ABCD3: variants seen among roughly 807,000 people sequenced by gnomAD.
ABCD3 encodes the protein ATP-binding cassette sub-family D member 3.
A neutral mutation model predicts 105.5 loss-of-function variants in ABCD3; 41 were observed. The observed-to-expected ratio is 0.39, with a 90% CI of 0.30 to 0.50. ABCD3 has a LOEUF of 0.50. ABCD3 is among the 20% of genes least tolerant of loss of function. The pLI, the probability that ABCD3 is intolerant of heterozygous loss-of-function variation, is 0.84. For missense variants in ABCD3, 622 were observed against 806.3 expected (o/e 0.77, Z 2.77); for synonymous variants, 258 against 269.0 (o/e 0.96, Z 0.40).
chr1:94,402,137 T>TA, the ABCD3 span, among the ~76,000 whole-genome samples: 2 of 152,266 alleles, frequency 1.3e-5, no homozygotes, highest in Non-Finnish European at 2.9e-5. Flanking sequence ...TCTTCCTTTT[T>TA]ATTGAAGAGT....
chr1:94,410,988 G>A, the ABCD3 span, among the ~76,000 whole-genome samples: 1 of 152,118 alleles, frequency 6.6e-6, no homozygotes, highest in South Asian at 2.1e-4. Flanking sequence ...ATACAAAAGG[G>A]ATCAAAGACT....
At chr1:94,476,128 G>A (rs1648727960) in intron 7 of ABCD3, among the ~76,000 whole-genome samples, 1 of 152,098 alleles carries the variant, frequency 6.6e-6, no homozygotes, top group African/African-American at 2.4e-5. Flanking sequence ...CCATTTCTCT[G>A]CTTCAGTATC....
intron 21 of ABCD3, among the ~76,000 whole-genome samples, chr1:94,510,642 G>T (rs1472627004): frequency 6.6e-6 from 1 of 151,616 alleles, no homozygotes; most frequent in Non-Finnish European, 1.5e-5. Context: ...TTTGTAGGTC[G>T]CTCAGGACTT....
At chr1:94,480,184 CAT>C (rs2101005626) in intron 8 of ABCD3, 7 of 455,482 alleles carry the variant, frequency 1.5e-5, no homozygotes, top group South Asian at 1.3e-4. Context: ...TGTTAGATAA[CAT>C]AGAAAAACTG....
intron 4 of ABCD3, among the ~76,000 whole-genome samples, chr1:94,471,118 T>C (rs901722178): frequency 3.3e-5 from 5 of 152,332 alleles, no homozygotes; most frequent in Non-Finnish European, 5.9e-5. Context: ...AGGGGGACCC[T>C]AATCATGTGC....
intron 1 of ABCD3, among the ~76,000 whole-genome samples, chr1:94,453,929 GTAT>G (rs1344037109): frequency 1.4e-5 from 2 of 138,092 alleles, no homozygotes; most frequent in African/African-American, 2.6e-5. Context: ...TTGGATGCTT[GTAT>G]TATTAATCTT....
the ABCD3 span, among the ~76,000 whole-genome samples, chr1:94,398,004 G>A: frequency 6.6e-6 from 1 of 151,796 alleles, no homozygotes; most frequent in South Asian, 2.1e-4. Flanking sequence ...TTTATTCTTT[G>A]GAATGCTGGA....
intron 7 of ABCD3, among the ~76,000 whole-genome samples, chr1:94,476,052 A>G (rs769631700): frequency 2.8e-4 from 42 of 152,178 alleles, no homozygotes; most frequent in Non-Finnish European, 5.6e-4. Context: ...CCATTGTTAG[A>G]GATTGACTGT....
Position 94,481,731 on chromosome 1 carries a change from C to T in ABCD3, c.827+1125C>T, listed in dbSNP as rs569548099. 11 of 152,396 alleles carry T rather than the reference C, an allele frequency of 7.2e-5. No homozygotes were observed. In the South Asian group the frequency reaches 1.0e-3, roughly 14 times the overall value. 9.4% of individuals were successfully genotyped at this position (152,396 alleles called of 1,614,324 possible). A position where few individuals can be genotyped will look rare whatever the true frequency, so the allele number is the denominator to read the frequency against. On this transcript the variant is annotated intron_variant, in intron 9 of 22. Transcript: ENST00000370214. The stretch of plus-strand genomic sequence containing the variant: ...CTCCAGAAACAAAAAGGGGCCATCT[C>T]GCCTGGTGTGTCTTTATGAGAGCAA...
intron 16 of ABCD3, among the ~76,000 whole-genome samples, chr1:94,496,806 C>T (rs1254656034): frequency 1.4e-4 from 19 of 140,520 alleles, no homozygotes; most frequent in Middle Eastern, 3.9e-3. Flanking sequence ...CTTGCTCTGT[C>T]GCCCAGGTTG....
intron 2 of ABCD3, among the ~76,000 whole-genome samples, chr1:94,462,514 T>G (rs969948372): frequency 2.0e-5 from 3 of 152,182 alleles, no homozygotes; most frequent in Non-Finnish European, 2.9e-5. Context: ...TTTCATGGAT[T>G]GAAACGTAAT....
chr1:94,498,612 G>T lies in ABCD3; in HGVS notation c.1397G>T (p.Gly466Val). 6.2e-7 allele frequency: 1 copy of T among 1,611,688 alleles called. No homozygotes were observed. Among genetic ancestry groups the T allele is most frequent in the East Asian group, 2.2e-5 (1 of 44,782 alleles). ...TTTTTTTTTTTTCAGGTTCGATCTG[G>T]GGCTAATGTTCTAATTTGTGGTCCA... Reference protein sequence around the residue: ...IRDLNFEVRSGANVLICGPNG... With the variant: ...IRDLNFEVRSVANVLICGPNG... Residue 466 changes from glycine to valine, a missense_variant, in exon 17 of 23, where the codon GGG (glycine) becomes GTG (valine). By Grantham distance (109) the Gly-to-Val change is moderately radical. Around this residue, in one of 4 missense-constraint regions of ABCD3, gnomAD observed 285 missense variants for 352.5 expected, o/e 0.81. Transcript: ENST00000370214.
At chr1:94,465,426 C>T (rs1158991148) in intron 3 of ABCD3, among the ~76,000 whole-genome samples, 1 of 152,182 alleles carries the variant, frequency 6.6e-6, no homozygotes, top group Non-Finnish European at 1.5e-5. Context: ...CATCACCTGT[C>T]ATACAAAAAA....
At chr1:94,485,550 G>A (rs1250720053) in intron 10 of ABCD3, among the ~76,000 whole-genome samples, 1 of 152,072 alleles carries the variant, frequency 6.6e-6, no homozygotes, top group Non-Finnish European at 1.5e-5. Context: ...CTCTCCACAC[G>A]GCTTGCTTAT....
upstream of ABCD3, among the ~76,000 whole-genome samples, chr1:94,416,544 C>G (rs1469920753): frequency 6.6e-6 from 1 of 152,116 alleles, no homozygotes; most frequent in Non-Finnish European, 1.5e-5. Flanking sequence ...GCTCACAACA[C>G]AATACTCCAA....
At chr1:94,436,790 A>C (rs776957338) in intron 1 of ABCD3, among the ~76,000 whole-genome samples, 96 of 152,216 alleles carry the variant, frequency 6.3e-4, no homozygotes, top group Non-Finnish European at 4.1e-4. Flanking sequence ...CATGAAATTC[A>C]AAAGCTAGGT....
At chr1:94,424,988 A>T (rs533725216) in intron 1 of ABCD3, among the ~76,000 whole-genome samples, 6 of 152,118 alleles carry the variant, frequency 3.9e-5, no homozygotes, top group Non-Finnish European at 8.8e-5. Context: ...TGAGATTCTC[A>T]TTTTTTGGGG....
At chr1:94,446,665 T>C (rs1207138932) in intron 1 of ABCD3, among the ~76,000 whole-genome samples, 1 of 152,144 alleles carries the variant, frequency 6.6e-6, no homozygotes, top group Non-Finnish European at 1.5e-5. Flanking sequence ...AAATAACTAT[T>C]CAGGGAAAGA....
rs371954695 is a variant in ABCD3 at position 94,506,657 on chromosome 1, G to A, written c.1845+15G>A. 3.8e-6 allele frequency: 6 copies of A among 1,595,518 alleles called. No homozygotes were observed. In the East Asian group the frequency reaches 1.3e-4, roughly 36 times the overall value. Reference sequence around the variant, plus strand: ...ATTGTCGAAAGGTAAGTACGCAGGTGCTCAGTTTGAGGAGCCATGGCCTCC... The same window carrying A: ...ATTGTCGAAAGGTAAGTACGCAGGTACTCAGTTTGAGGAGCCATGGCCTCC... On this transcript the variant is annotated intron_variant, in intron 21 of 22. Transcript: ENST00000370214.
Sources: gnomAD v4.1 joint callset for allele counts (sites outside exome capture counted in the v4.1 genomes callset) on GRCh38, gnomAD v4.1.1 for gene constraint, gnomAD v4.1.1 regional missense constraint, MANE v1.5 for transcripts, NCBI Gene and HGNC (gene_info 2026-07-23, HGNC 2026-07-21) for gene names.